OPTN: variants seen among roughly 807,000 people sequenced by gnomAD.
The protein encoded by OPTN is optineurin, also known as E3-14.7K-interacting protein.
In OPTN, 54 loss-of-function variants were observed where a neutral mutation model predicts 70.4. That is an observed-to-expected ratio of 0.77 (90% CI 0.62 to 0.96). The LOEUF (loss-of-function observed/expected upper bound fraction) is 0.96. Ranked by LOEUF, OPTN falls within the 40% of genes least tolerant of loss-of-function variation. OPTN has a pLI of 0.00. For synonymous variants in OPTN, 256 were observed against 248.5 expected, an observed-to-expected ratio of 1.03 and a Z score of -0.28; for missense variants, 624 against 673.2, an observed-to-expected ratio of 0.93 and a Z score of 0.81.
chr10:13,107,899 G>A (rs1832902857), intron 1 of OPTN, among the ~76,000 whole-genome samples: 1 of 152,120 alleles, frequency 6.6e-6, no homozygotes, highest in Non-Finnish European at 1.5e-5. Flanking sequence ...GTGTGAAGGT[G>A]GAAATTTGTG....
chr10:13,104,254 C>CTTTTTTTT (rs60982439), intron 1 of OPTN, among the ~76,000 whole-genome samples: 3 of 97,836 alleles, frequency 3.1e-5, no homozygotes, highest in African/African-American at 4.0e-5. Flanking sequence ...GTTTTTTTTT[C>CTTTTTTTT]TTTTTTTTTT....
rs150727238 is a variant in OPTN, at chr10:13,102,685, G to A, written c.-164+2383G>A. 1.7e-3 allele frequency among the ~76,000 whole-genome samples: 257 copies of A among 152,308 alleles called. 7 individuals are homozygous for A. The East Asian group carries it at 0.043, about 26-fold the overall frequency. ...GGGCCAGGCATGGTGGCTCATGCCT[G>A]TAATCCCAGCACTTAGGGAGGCCGA... On this transcript the variant is annotated intron_variant, in intron 1 of 14. Coordinates refer to ENST00000378747, the MANE Select transcript of OPTN (RefSeq NM_001008212.2).
chr10:13,118,626 G>A (rs1319565624), intron 6 of OPTN, among the ~76,000 whole-genome samples: 1 of 152,214 alleles, frequency 6.6e-6, no homozygotes, highest in Admixed American at 6.5e-5. Flanking sequence ...GGTACACAGT[G>A]ACTGTTTGGA....
intron 9 of OPTN, 115 bp from the exon 10 acceptor site, chr10:13,125,303 C>G (rs189928844): frequency 9.5e-5 from 109 of 1,146,160 alleles, no homozygotes; most frequent in East Asian, 2.8e-4. Context: ...ATTTTGCATT[C>G]ATAAACCCTA....
At chr10:13,131,940 C>T (rs1833600843) in intron 12 of OPTN, 127 bp from the exon 13 acceptor site, 1 of 872,584 alleles carries the variant, frequency 1.1e-6, no homozygotes, top group African/African-American at 1.7e-5. Flanking sequence ...TGTTTTCTAG[C>T]AGGATTGTGC....
rs747973271 is a variant in OPTN, at chr10:13,124,128, A to AT, written c.998+22dup. ...CAAGAAAAGTAAGAATGAGAGAGCA[A>AT]TTTTATCCTCCTTTGAAATATACAT... On this transcript the variant is annotated intron_variant, in intron 9 of 14. Coordinates refer to ENST00000378747, the MANE Select transcript of OPTN (RefSeq NM_001008212.2). 6.6e-6 allele frequency: 9 copies of AT among 1,370,398 alleles called. No homozygotes were observed. The East Asian group carries it at 2.1e-4, about 31-fold the overall frequency. 84.9% of individuals were successfully genotyped at this position (1,370,398 alleles called of 1,614,324 possible).
Position 13,120,447 on chromosome 10 carries a change from A to G in OPTN, c.779+1407A>G, listed in dbSNP as rs113255221. 5.3e-3 allele frequency among the ~76,000 whole-genome samples: 806 copies of G among 151,888 alleles called. 8 individuals carry two copies. The highest frequency in any genetic ancestry group is 0.018 in the African/African-American group (762 of 41,418). On this transcript the variant is annotated intron_variant, in intron 7 of 14. Coordinates refer to ENST00000378747, the MANE Select transcript of OPTN (RefSeq NM_001008212.2). ...ATCTGAGAAACCGTTGCCTAACCCAAGGTCACAAAGATTTACTCCTATGTT... is the reference window on the plus strand; with the variant it reads ...ATCTGAGAAACCGTTGCCTAACCCAGGGTCACAAAGATTTACTCCTATGTT...
rs1302864896 is a variant in OPTN, at chr10:13,109,178, G to A, written c.56G>A (p.Ser19Asn). 3.7e-6 allele frequency: 6 copies of A among 1,613,908 alleles called. No homozygotes were observed. Among genetic ancestry groups the A allele is most frequent in the Non-Finnish European group, 5.1e-6 (6 of 1,180,002 alleles). Residue 19 changes from serine (S) to asparagine (N), a missense_variant, in exon 3 of 15, where the codon AGC becomes AAC. Coordinates refer to ENST00000378747, the MANE Select transcript of OPTN (RefSeq NM_001008212.2). ...GAAAAGGAGGACAGCCCCAGTGAAA[G>A]CACAGGAAATGGACCCCCCCACCTG... ...LTEKEDSPSE[S>N]TGNGPPHLAH...
intron 4 of OPTN, 101 bp from the exon 5 acceptor site, chr10:13,112,352 T>C: frequency 8.7e-7 from 1 of 1,143,734 alleles, no homozygotes; most frequent in Non-Finnish European, 1.3e-6. Context: ...CAAGGGATCC[T>C]CCCACTTCAG....
intron 6 of OPTN, 143 bp downstream of exon 6, chr10:13,116,483 T>C (rs974903758): frequency 5.6e-6 from 4 of 712,560 alleles, no homozygotes; most frequent in Non-Finnish European, 1.0e-5. Context: ...AATATTTGGT[T>C]TGAATGCTAT....
intron 1 of OPTN, among the ~76,000 whole-genome samples, chr10:13,103,143 A>G (rs2131469149): frequency 6.6e-6 from 1 of 152,186 alleles, no homozygotes. Flanking sequence ...CTAGTGTGTA[A>G]TGACGAGGCT....
At chr10:13,117,307 C>T (rs1351478919) in intron 6 of OPTN, among the ~76,000 whole-genome samples, 1 of 151,710 alleles carries the variant, frequency 6.6e-6, no homozygotes, top group Non-Finnish European at 1.5e-5. Context: ...GTCTCGATCT[C>T]CTGACCTCGT....
At position 13,133,568 on chromosome 10, in the gene OPTN, C is replaced by A. The variant is rs1293124508; in HGVS notation, c.1599C>A (p.Tyr533Ter). The A allele has an allele frequency of 6.2e-7, 1 of 1,614,060 alleles. No homozygotes were observed. Among genetic ancestry groups the A allele is most frequent in the Non-Finnish European group, 8.5e-7 (1 of 1,179,930 alleles). ...CAAGTGACTCTGACCAGCAGGCTTA[C>A]CTTGTTCAAAGAGGTGAGTCCCGTG... is the stretch of plus-strand genomic sequence containing the variant. The part of the protein sequence containing the change: ...ARTSDSDQQA[Y>*]LVQRGAEDRD... Residue 533 changes from tyrosine (Y) to a stop codon, truncating the protein, a stop_gained, in exon 14 of 15, where the codon TAC (tyrosine) becomes TAA (stop). Coordinates refer to ENST00000378747, the MANE Select transcript of OPTN (RefSeq NM_001008212.2). LOFTEE classifies it high-confidence loss of function.
At position 13,100,211 on chromosome 10, in the gene OPTN, C is replaced by A; in HGVS notation, c.-255C>A. The stretch of plus-strand genomic sequence containing the variant: ...CCGCCGCCGCCCGCCGGCAGGTTCC[C>A]TGGTCAGCGTCCCATCCCGGTCGGG... On this transcript the variant is annotated 5_prime_UTR_variant, in exon 1 of 15. In the 5' UTR this introduces an upstream ATG that the reference lacks. Coordinates refer to ENST00000378747, the MANE Select transcript of OPTN (RefSeq NM_001008212.2). The A allele has an allele frequency of 1.3e-5, 2 of 154,562 alleles. No individual in the cohort carries two copies. Among genetic ancestry groups the A allele is most frequent in the South Asian group, 3.7e-4 (2 of 5,472 alleles). The allele number at this position is 154,562 out of a possible 1,614,324, so 9.6% of individuals were successfully genotyped here.
chr10:13,126,814 AC>A (rs1833476245), intron 11 of OPTN, among the ~76,000 whole-genome samples: 1 of 152,060 alleles, frequency 6.6e-6, no homozygotes, highest in African/African-American at 2.4e-5. Context: ...GATCATTTGA[AC>A]CCAGGAGTCT....
At chr10:13,130,750 A>C (rs1833578492) in intron 12 of OPTN, among the ~76,000 whole-genome samples, 1 of 152,200 alleles carries the variant, frequency 6.6e-6, no homozygotes, top group Non-Finnish European at 1.5e-5. Flanking sequence ...CAGAACCAGC[A>C]AATTTGAAAA....
At chr10:13,131,982 C>T (rs1452686501) in intron 12 of OPTN, 85 bp from the exon 13 acceptor site, 7 of 1,375,118 alleles carry the variant, frequency 5.1e-6, no homozygotes, top group Non-Finnish European at 1.0e-6. Context: ...TTGAAGGATA[C>T]AGCACTACCT....
intron 1 of OPTN, among the ~76,000 whole-genome samples, chr10:13,107,412 T>G (rs61851423): frequency 2.2e-5 from 3 of 136,316 alleles, no homozygotes; most frequent in Admixed American, 2.1e-4. Flanking sequence ...TTTTTGAGAC[T>G]CTGTCGCCCA....
rs867488598 is a variant in OPTN at position 13,112,092 on chromosome 10, G to A, written c.370-361G>A. 2.7e-4 allele frequency among the ~76,000 whole-genome samples: 41 copies of A among 149,560 alleles called. 1 individual carries two copies. The highest frequency in any genetic ancestry group is 2.2e-3 in the Admixed American group (33 of 15,036). On this transcript the variant is annotated intron_variant, in intron 4 of 14. Transcript: ENST00000378747. ...CTCCATCTCCTGACCTTCATGATCC[G>A]CCCACCTCGGCCTCCCAAAGTGCTG... is the stretch of plus-strand genomic sequence containing the variant.
Sources: allele counts gnomAD v4.1 joint callset (sites outside exome capture counted in the v4.1 genomes callset), GRCh38; gene constraint gnomAD v4.1.1; transcripts MANE v1.5; gene names NCBI Gene and HGNC (gene_info 2026-07-23, HGNC 2026-07-21).